ARAP2: variants seen among roughly 807,000 people sequenced by gnomAD.
ARAP2 encodes the protein ArfGAP with RhoGAP domain, ankyrin repeat and PH domain 2, also known as arf-GAP with Rho-GAP domain, ANK repeat and PH domain-containing protein 2.
A neutral mutation model predicts 194.5 loss-of-function variants in ARAP2; 148 were observed. That is an observed-to-expected ratio of 0.76 (90% confidence interval 0.67 to 0.87). The LOEUF is 0.87. Among genes scored for constraint, ARAP2 ranks in the 40% least tolerant of loss-of-function variants. The pLI is 0.00. For synonymous variants in ARAP2, 695 were observed against 683.5 expected, an observed-to-expected ratio of 1.02 and a Z score of -0.26; for missense variants, 2,128 against 1,989.7, an observed-to-expected ratio of 1.07 and a Z score of -1.32.
intron 2 of ARAP2, among the ~76,000 whole-genome samples, chr4:36,216,951 G>A (rs73128500): frequency 0.027 from 4,127 of 152,190 alleles, 170 homozygotes; most frequent in African/African-American, 0.094. Context: ...TAGGTTACAT[G>A]GTATAGCCAT....
chr4:36,228,830 A>C lies in ARAP2; in HGVS notation c.657T>G (p.Phe219Leu). Reference protein sequence around the residue: ...LPNADSECLSFVGCSTSGTNS... With the variant: ...LPNADSECLSLVGCSTSGTNS... Reference sequence around the variant, plus strand: ...TTGTTCCTGATGTTGAACAGCCAACAAAAGAAAGGCATTCAGAGTCTGCAT... The same window carrying C: ...TTGTTCCTGATGTTGAACAGCCAACCAAAGAAAGGCATTCAGAGTCTGCAT... Residue 219 changes from phenylalanine to leucine, a missense_variant, in exon 2 of 33, where the codon TTT becomes TTG. Physicochemically the swap from Phe to Leu is conservative, Grantham distance 22. Transcript: ENST00000303965. 4 of 1,614,184 alleles carry C rather than the reference A, an allele frequency of 2.5e-6. No individual in the cohort carries two copies. Among genetic ancestry groups the C allele is most frequent in the Non-Finnish European group, 3.4e-6 (4 of 1,180,022 alleles).
At chr4:36,136,810 T>C (rs200949135) in intron 19 of ARAP2, among the ~76,000 whole-genome samples, 263 of 129,692 alleles carry the variant, frequency 2.0e-3, no homozygotes, top group Admixed American at 6.3e-3. Context: ...TGTGTGTGTG[T>C]GTGTGTGTGC....
At chr4:36,057,403 G>A (rs995098490) in intron 2 of ARAP2, among the ~76,000 whole-genome samples, 5 of 149,850 alleles carry the variant, frequency 3.3e-5, no homozygotes, top group Non-Finnish European at 1.5e-5. Flanking sequence ...GAATCTATTG[G>A]TATAAATAAC....
At chr4:36,117,207 G>A in intron 24 of ARAP2, 72 bp from the exon 25 acceptor site, 1 of 1,032,742 alleles carries the variant, frequency 9.7e-7, no homozygotes, top group Non-Finnish European at 1.4e-6. Flanking sequence ...ACTGAAGACA[G>A]CTATAAAGCC....
At chr4:36,168,869 C>T (rs1181674674) in intron 9 of ARAP2, among the ~76,000 whole-genome samples, 4 of 152,160 alleles carry the variant, frequency 2.6e-5, no homozygotes, top group Non-Finnish European at 4.4e-5. Flanking sequence ...TGGCACTTAA[C>T]ATGATCTCTA....
chr4:36,019,710 A>G (rs1251451514), intron 5 of ARAP2, among the ~76,000 whole-genome samples: 11 of 152,122 alleles, frequency 7.2e-5, no homozygotes, highest in Admixed American at 5.9e-4. Flanking sequence ...GAGATGAGAT[A>G]GTATATGAAG....
At chr4:36,079,613 C>T (rs1329430963) in intron 31 of ARAP2, among the ~76,000 whole-genome samples, 1 of 152,096 alleles carries the variant, frequency 6.6e-6, no homozygotes, top group Non-Finnish European at 1.5e-5. Flanking sequence ...GGGAGGAAAA[C>T]AAATACGGAA....
intron 26 of ARAP2, among the ~76,000 whole-genome samples, chr4:36,112,423 A>G (rs1017688782): frequency 1.3e-5 from 2 of 151,992 alleles, no homozygotes; most frequent in Non-Finnish European, 2.9e-5. Context: ...TAAATATGCA[A>G]TGAGGAAATA....
At chr4:36,160,839 C>T (rs1326398529) in intron 12 of ARAP2, among the ~76,000 whole-genome samples, 198 bp from the exon 13 acceptor site, 1 of 152,160 alleles carries the variant, frequency 6.6e-6, no homozygotes, top group Non-Finnish European at 1.5e-5. Flanking sequence ...CCTACCCACT[C>T]TAAATAATGG....
chr4:36,128,838 GAGA>G (rs1724654902), intron 20 of ARAP2, 93 bp from the exon 21 acceptor site: 1 of 1,007,478 alleles, frequency 9.9e-7, no homozygotes, highest in Non-Finnish European at 1.4e-6. Flanking sequence ...GTGTTGAGAC[GAGA>G]AGATGATGAA....
chr4:36,118,892 A>G (rs1480300515), intron 24 of ARAP2, among the ~76,000 whole-genome samples: 1 of 151,460 alleles, frequency 6.6e-6, no homozygotes, highest in Non-Finnish European at 1.5e-5. Flanking sequence ...GACTCTAGTT[A>G]GTTGTGGATA....
intron 9 of ARAP2, among the ~76,000 whole-genome samples, chr4:36,167,675 T>G (rs1174332138): frequency 6.6e-6 from 1 of 152,160 alleles, no homozygotes; most frequent in Non-Finnish European, 1.5e-5. Flanking sequence ...TGCTTTCATC[T>G]CCCTTCAATC....
At chr4:36,184,574 CTTTTTAAA>C (rs1740071976) in intron 8 of ARAP2, among the ~76,000 whole-genome samples, 1 of 152,288 alleles carries the variant, frequency 6.6e-6, no homozygotes, top group East Asian at 1.9e-4. Context: ...TGAACATGCA[CTTTTTAAA>C]CATGTGTGGA....
intron 25 of ARAP2, among the ~76,000 whole-genome samples, chr4:36,115,834 T>C (rs559523305): frequency 2.0e-4 from 30 of 152,168 alleles, no homozygotes; most frequent in African/African-American, 7.0e-4. Context: ...TGTTATTTTC[T>C]AAAGAGCATT....
chr4:36,181,551 A>G (rs140416902), intron 8 of ARAP2, among the ~76,000 whole-genome samples: 138 of 152,354 alleles, frequency 9.1e-4, no homozygotes, highest in African/African-American at 3.1e-3. Context: ...ATTATCTAAT[A>G]AAGTTTAGCT....
rs779759817 is a variant in ARAP2, at chr4:36,073,820, C to T, written c.4612G>A (p.Glu1538Lys). 6.2e-7 allele frequency: 1 copy of T among 1,612,560 alleles called. No homozygotes were observed. The highest frequency in any genetic ancestry group is 1.3e-5 in the African/African-American group (1 of 74,822). The part of the protein sequence containing the change: ...WMTSIFIAQH[E>K]YDIWPPAGKE... ...CCAGCTGGTGGCCATATATCATATT[C>T]ATGCTGTGGAAACACAATTTCTTGC... Residue 1538 changes from glutamate (E) to lysine (K), a missense_variant, in exon 32 of 33, where the codon GAA (glutamate) becomes AAA (lysine). Transcript: ENST00000303965.
intron 5 of ARAP2, among the ~76,000 whole-genome samples, chr4:36,029,013 C>CGG (rs1718453669): frequency 6.6e-6 from 1 of 151,830 alleles, no homozygotes; most frequent in Admixed American, 6.6e-5. Flanking sequence ...AATATATAAT[C>CGG]AATTTTTGTG....
chr4:36,170,134 T>G (rs1736266874), intron 9 of ARAP2, among the ~76,000 whole-genome samples: 1 of 152,166 alleles, frequency 6.6e-6, no homozygotes, highest in Non-Finnish European at 1.5e-5. Flanking sequence ...TCCATGAATC[T>G]GGGGGCAGAA....
At chr4:36,216,985 A>T (rs368367122) in intron 2 of ARAP2, among the ~76,000 whole-genome samples, 3 of 152,320 alleles carry the variant, frequency 2.0e-5, no homozygotes, top group Admixed American at 1.3e-4. Flanking sequence ...GACCAATGTC[A>T]TCATTGTGTG....
Sources: gnomAD v4.1 joint callset for allele counts (sites outside exome capture counted in the v4.1 genomes callset) on GRCh38, gnomAD v4.1.1 for gene constraint, MANE v1.5 for transcripts, NCBI Gene and HGNC (gene_info 2026-07-23, HGNC 2026-07-21) for gene names.